Variants in KIFAP3 observed in about 807,000 individuals in gnomAD.
KIFAP3 encodes the protein kinesin-associated protein 3.
KIFAP3 carries 68 observed loss-of-function variants against 106.5 expected under a neutral mutation model. The ratio of observed to expected loss-of-function variants is 0.64; its 90% CI spans 0.53 to 0.78. The LOEUF (loss-of-function observed/expected upper bound fraction) is 0.78. Among genes scored for constraint, KIFAP3 ranks in the 30% least tolerant of loss-of-function variants. The pLI is 0.00. For missense variants in KIFAP3, 780 were observed against 941.8 expected (o/e 0.83, Z 2.25); for synonymous variants, 320 against 311.5 (o/e 1.03, Z -0.29).
At position 169,957,287 on chromosome 1, in the gene KIFAP3, T is replaced by C. The variant is rs547045093; in HGVS notation, c.2174-3177A>G. 4.1e-4 allele frequency among the ~76,000 whole-genome samples: 62 copies of C among 152,266 alleles called. 1 individual carries two copies. Among genetic ancestry groups the C allele is most frequent in the African/African-American group, 1.4e-3 (58 of 41,548 alleles). On this transcript the variant is annotated intron_variant, in intron 18 of 19. Coordinates refer to ENST00000361580, the MANE Select transcript of KIFAP3 (RefSeq NM_014970.4). ...GAACAAACAGGAAACACAGATGATATACACCATAACACTCTAAGCTATAGA... is the reference window on the plus strand; with the variant it reads ...GAACAAACAGGAAACACAGATGATACACACCATAACACTCTAAGCTATAGA...
At chr1:169,974,433 G>A (rs1666109531) in intron 16 of KIFAP3, among the ~76,000 whole-genome samples, 1 of 151,852 alleles carries the variant, frequency 6.6e-6, no homozygotes, top group Non-Finnish European at 1.5e-5. Flanking sequence ...ACTCATTAGT[G>A]TTACTTACTA....
Position 170,074,590 on chromosome 1 carries a change from G to A in KIFAP3, c.-123C>T. 1 of 1,556,320 alleles carries A rather than the reference G, an allele frequency of 6.4e-7. No homozygotes were observed. Among genetic ancestry groups the A allele is most frequent in the Non-Finnish European group, 8.7e-7 (1 of 1,149,654 alleles). On this transcript the variant is annotated 5_prime_UTR_variant, in exon 1 of 20. Transcript: ENST00000361580. ...CGATGACAGTCCTGAGGCCTGCAAG[G>A]CGGGGCAGCAGCGGCGCTGTGGTTA... is the stretch of plus-strand genomic sequence containing the variant.
intron 15 of KIFAP3, among the ~76,000 whole-genome samples, chr1:169,979,918 A>G (rs1256915413): frequency 1.3e-5 from 2 of 152,196 alleles, no homozygotes; most frequent in African/African-American, 2.4e-5. Flanking sequence ...TGGTATGTTT[A>G]TATAATAAAA....
intron 17 of KIFAP3, among the ~76,000 whole-genome samples, chr1:169,968,337 CTT>C (rs1185708092): frequency 7.9e-5 from 12 of 151,962 alleles, no homozygotes; most frequent in African/African-American, 2.6e-4. Flanking sequence ...CAGGAAAACT[CTT>C]TGTCACTGGC....
At chr1:170,035,615 G>C (rs1459212288) in intron 5 of KIFAP3, 62 bp from the exon 6 acceptor site, 1 of 968,432 alleles carries the variant, frequency 1.0e-6, no homozygotes, top group Non-Finnish European at 1.5e-6. Context: ...AAGGGTGATT[G>C]GTTTTAAATG....
intron 17 of KIFAP3, 27 bp downstream of exon 17, chr1:169,972,486 C>T (rs1284708853): frequency 2.7e-6 from 3 of 1,104,620 alleles, no homozygotes; most frequent in Non-Finnish European, 4.1e-6. Context: ...GTCAATTATA[C>T]TTTGTGTAGA....
intron 5 of KIFAP3, among the ~76,000 whole-genome samples, chr1:170,035,764 C>G (rs1669659526): frequency 6.6e-6 from 1 of 151,902 alleles, no homozygotes; most frequent in African/African-American, 2.4e-5. Context: ...CAAGTATATA[C>G]TATACACAGA....
At chr1:169,930,806 T>G (rs988366845) in intron 19 of KIFAP3, among the ~76,000 whole-genome samples, 3 of 152,192 alleles carry the variant, frequency 2.0e-5, no homozygotes, top group Non-Finnish European at 2.9e-5. Flanking sequence ...TATAAATTTC[T>G]GTTACATTTT....
intron 9 of KIFAP3, among the ~76,000 whole-genome samples, chr1:170,023,702 CA>C (rs1461389930): frequency 2.0e-5 from 3 of 151,924 alleles, no homozygotes; most frequent in Non-Finnish European, 4.4e-5. Context: ...TGGTAAAAAG[CA>C]GATGAGAATT....
chr1:170,027,014 CTTTTTTTTTTTTTTT>C (rs71125222), intron 8 of KIFAP3, among the ~76,000 whole-genome samples: 1 of 64,388 alleles, frequency 1.6e-5, no homozygotes, highest in Non-Finnish European at 2.9e-5. Context: ...TGTCTTGCTT[CTTTTTTTTTTTTTTT>C]TTTTTTTTGA....
At chr1:169,922,320 G>C (rs774197492) in intron 19 of KIFAP3, among the ~76,000 whole-genome samples, 16 of 152,146 alleles carry the variant, frequency 1.1e-4, no homozygotes, top group Admixed American at 2.0e-4. Context: ...TAAGGAATTT[G>C]ACAAAATTTG....
At chr1:170,055,142 T>C (rs923327614) in intron 2 of KIFAP3, among the ~76,000 whole-genome samples, 163 bp downstream of exon 2, 22 of 152,192 alleles carry the variant, frequency 1.4e-4, no homozygotes, top group Admixed American at 1.3e-3. Context: ...AGGATTAATA[T>C]ACTCCATACT....
At chr1:169,961,482 A>C (rs550386229) in intron 17 of KIFAP3, among the ~76,000 whole-genome samples, 10 of 152,186 alleles carry the variant, frequency 6.6e-5, no homozygotes, top group African/African-American at 2.4e-4. Context: ...AATTTCATAA[A>C]TTCTTATTTA....
chr1:169,971,695 T>A (rs569438459), intron 17 of KIFAP3, among the ~76,000 whole-genome samples: 26 of 151,376 alleles, frequency 1.7e-4, no homozygotes, highest in Admixed American at 3.3e-4. Flanking sequence ...TATTGATTTT[T>A]AAAAAAAAAT....
chr1:170,031,935 G>A lies in KIFAP3; in HGVS notation c.792C>T (p.Thr264=), dbSNP rs1247254456. 6.2e-7 allele frequency: 1 copy of A among 1,610,818 alleles called. No homozygotes were observed. Among genetic ancestry groups the A allele is most frequent in the Non-Finnish European group, 8.5e-7 (1 of 1,177,810 alleles). ...NQTLRKDYEK[T]FKKYQGLVVK... is the part of the protein sequence containing the mutation. Reference sequence around the variant, plus strand: ...CCACAAGCCCCTGGTACTTTTTAAAGGTTTTTTCATAATCCTTTCTCAAGG... The same window carrying A: ...CCACAAGCCCCTGGTACTTTTTAAAAGTTTTTTCATAATCCTTTCTCAAGG... The change falls in exon 8 of 20, where the codon ACC becomes ACT. Residue 264 remains threonine (T), a synonymous_variant. Transcript: ENST00000361580.
At chr1:169,975,782 G>C (rs995063643) in intron 16 of KIFAP3, among the ~76,000 whole-genome samples, 2 of 151,968 alleles carry the variant, frequency 1.3e-5, no homozygotes, top group African/African-American at 4.8e-5. Flanking sequence ...GCCTGGCTTA[G>C]AAAACATTTC....
chr1:170,084,222 A>G (rs1571786562), intron 1 of KIFAP3, among the ~76,000 whole-genome samples: 1 of 152,196 alleles, frequency 6.6e-6, no homozygotes, highest in Non-Finnish European at 1.5e-5. Flanking sequence ...TCTTTTTCCT[A>G]GAAGCCTTTT....
Position 169,983,345 on chromosome 1 carries a change from C to T in KIFAP3, c.1431G>A (p.Lys477=), listed in dbSNP as rs755451519. Reference sequence around the variant, plus strand: ...TTTTCATCAGCAATGGATCCTTAAACTTCAGAGCCCTCTTCATGAGCATCT... The same window carrying T: ...TTTTCATCAGCAATGGATCCTTAAATTTCAGAGCCCTCTTCATGAGCATCT... ...GLKMLMKRAL[K]FKDPLLMKMI... is the part of the protein sequence containing the mutation. The change falls in exon 13 of 20, where the codon AAG becomes AAA. Residue 477 remains lysine, a synonymous_variant. Coordinates refer to ENST00000361580, the MANE Select transcript of KIFAP3 (RefSeq NM_014970.4). 7 of 1,609,252 alleles carry T rather than the reference C, an allele frequency of 4.3e-6. No individual in the cohort carries two copies. The highest frequency in any genetic ancestry group is 2.2e-5 in the East Asian group (1 of 44,564).
intron 15 of KIFAP3, 113 bp from the exon 16 acceptor site, chr1:169,978,296 C>A: frequency 1.5e-6 from 1 of 646,408 alleles, no homozygotes. Flanking sequence ...AGGAGACAAG[C>A]AAGCAGAAAT....
Sources: allele counts gnomAD v4.1 joint callset (sites outside exome capture counted in the v4.1 genomes callset), GRCh38; gene constraint gnomAD v4.1.1; transcripts MANE v1.5; gene names NCBI Gene and HGNC (gene_info 2026-07-23, HGNC 2026-07-21).